Variants in GUCY1A1 observed in about 807,000 individuals in gnomAD.
The protein encoded by GUCY1A1 is guanylate cyclase 1 soluble subunit alpha 1, also known as guanylate cyclase soluble subunit alpha-1.
In GUCY1A1, 48 loss-of-function variants were observed where a neutral mutation model predicts 64.5. The ratio of observed to expected loss-of-function variants is 0.74; its 90% CI spans 0.59 to 0.95. The LOEUF (loss-of-function observed/expected upper bound fraction) is 0.95. Ranked by LOEUF, GUCY1A1 falls within the 40% of genes least tolerant of loss-of-function variation. The probability of loss-of-function intolerance (pLI) is 0.00; values close to 1 mark genes in which losing one functional copy is unlikely to be tolerated. For missense variants in GUCY1A1, 804 were observed against 825.3 expected (o/e 0.97, Z 0.32); for synonymous variants, 308 against 303.4 (o/e 1.02, Z -0.16).
intron 8 of GUCY1A1, among the ~76,000 whole-genome samples, chr4:155,719,206 A>T (rs771057756): frequency 1.3e-5 from 2 of 152,194 alleles, no homozygotes; most frequent in South Asian, 2.1e-4. Flanking sequence ...CTGGGTAATG[A>T]TAGATTAGTT....
intron 8 of GUCY1A1, among the ~76,000 whole-genome samples, chr4:155,721,245 C>A (rs962344824): frequency 2.0e-5 from 3 of 152,158 alleles, no homozygotes; most frequent in Non-Finnish European, 4.4e-5. Context: ...GCCTGAGTGA[C>A]AGAGCAAGAC....
At position 155,692,804 on chromosome 4, in the gene GUCY1A1, A is replaced by G. The variant is rs2126707995; in HGVS notation, c.-112-3952A>G. On this transcript the variant is annotated intron_variant, in intron 2 of 9. Transcript: ENST00000506455. ...ATGGGCATGGTGGCTCACGTCTGTA[A>G]TCCCAGTGCTTTGGGAGACTGAGGC... 2.0e-5 allele frequency among the ~76,000 whole-genome samples: 3 copies of G among 152,288 alleles called. 1 individual carries two copies. In the Middle Eastern group the frequency reaches 0.01, roughly 518 times the overall value.
At chr4:155,721,786 A>G in intron 8 of GUCY1A1, among the ~76,000 whole-genome samples, 1 of 152,262 alleles carries the variant, frequency 6.6e-6, no homozygotes, top group South Asian at 2.1e-4. Context: ...CAGATGTTGA[A>G]GACAGACACA....
chr4:155,698,004 A>G (rs146962485), intron 3 of GUCY1A1, among the ~76,000 whole-genome samples: 3 of 152,312 alleles, frequency 2.0e-5, no homozygotes, highest in Admixed American at 2.0e-4. Context: ...ATAATTTTTA[A>G]TTGACTCAAT....
At chr4:155,712,399 A>G (rs1732692976) in intron 6 of GUCY1A1, among the ~76,000 whole-genome samples, 1 of 152,090 alleles carries the variant, frequency 6.6e-6, no homozygotes, top group African/African-American at 2.4e-5. Context: ...CCTAAGCTCT[A>G]CTTTATTTAA....
chr4:155,667,839 G>A (rs1297599459), intron 2 of GUCY1A1: 2 of 152,264 alleles, frequency 1.3e-5, no homozygotes, highest in East Asian at 3.9e-4. Context: ...GCAAGCGAGC[G>A]GGCGCAGCTG....
chr4:155,683,019 G>A (rs1736025483), intron 2 of GUCY1A1, among the ~76,000 whole-genome samples: 1 of 152,000 alleles, frequency 6.6e-6, no homozygotes, highest in Admixed American at 6.6e-5. Context: ...GCCAAATGAT[G>A]GATGATTCTG....
At chr4:155,691,965 G>A (rs1045421026) in intron 2 of GUCY1A1, among the ~76,000 whole-genome samples, 7 of 151,814 alleles carry the variant, frequency 4.6e-5, no homozygotes, top group South Asian at 2.1e-4. Context: ...AGTCCAAAAG[G>A]CCCCAGTGAG....
At chr4:155,698,652 G>T (rs554786682) in intron 3 of GUCY1A1, among the ~76,000 whole-genome samples, 57 of 152,176 alleles carry the variant, frequency 3.7e-4, no homozygotes, top group Non-Finnish European at 6.9e-4. Flanking sequence ...CTCCAGCCTG[G>T]GCGACAGAGC....
intron 2 of GUCY1A1, among the ~76,000 whole-genome samples, chr4:155,680,019 T>C (rs1735511856): frequency 1.3e-5 from 2 of 152,220 alleles, no homozygotes; most frequent in Non-Finnish European, 2.9e-5. Context: ...TTTTCTTCTT[T>C]AATATTAATT....
chr4:155,706,655 G>T (rs1731811953), intron 4 of GUCY1A1, among the ~76,000 whole-genome samples: 2 of 147,192 alleles, frequency 1.4e-5, no homozygotes, highest in South Asian at 4.3e-4. Context: ...ACTCATGCTG[G>T]TGTGTGTGTG....
chr4:155,729,407 G>C (rs1735231801), intron 9 of GUCY1A1, among the ~76,000 whole-genome samples: 1 of 151,758 alleles, frequency 6.6e-6, no homozygotes, highest in African/African-American at 2.4e-5. Context: ...ATATAATGTG[G>C]TAAACAGATG....
intron 9 of GUCY1A1, among the ~76,000 whole-genome samples, chr4:155,724,838 A>G (rs1304308640): frequency 6.6e-6 from 1 of 151,984 alleles, no homozygotes; most frequent in Non-Finnish European, 1.5e-5. Flanking sequence ...CCATATTTCC[A>G]CTTGGATGAC....
Position 155,693,543 on chromosome 4 carries a change from G to A in GUCY1A1, c.-112-3213G>A, listed in dbSNP as rs533659875. On this transcript the variant is annotated intron_variant, in intron 2 of 9. Transcript: ENST00000506455. ...TATTCTGTATTCCTGGCAGGCAAAA[G>A]CAAGACAAACAGGTTTCCAAGGTAT... 4.0e-3 allele frequency among the ~76,000 whole-genome samples: 609 copies of A among 152,182 alleles called. 5 individuals are homozygous for A. Among genetic ancestry groups the A allele is most frequent in the Middle Eastern group, 0.017 (5 of 294 alleles).
At chr4:155,727,164 GA>G (rs1005545340) in intron 9 of GUCY1A1, among the ~76,000 whole-genome samples, 1 of 151,914 alleles carries the variant, frequency 6.6e-6, no homozygotes, top group African/African-American at 2.4e-5. Context: ...AAGGTGTAGA[GA>G]AAAATGTCCA....
intron 9 of GUCY1A1, among the ~76,000 whole-genome samples, chr4:155,724,758 C>G (rs893216690): frequency 2.0e-5 from 3 of 152,046 alleles, no homozygotes; most frequent in African/African-American, 7.2e-5. Flanking sequence ...ATGACTCTAA[C>G]TATTTTTTAA....
rs544427456 is a variant in GUCY1A1 at position 155,681,311 on chromosome 4, C to A, written c.-113+13892C>A. On this transcript the variant is annotated intron_variant, in intron 2 of 9. Coordinates refer to ENST00000506455, the MANE Select transcript of GUCY1A1 (RefSeq NM_001130682.3). The stretch of plus-strand genomic sequence containing the variant: ...TGTACTTTGAGCTAACTTTTGTGCT[C>A]TGTATAGTAAGTATTTCTATTTACA... Among the ~76,000 whole-genome samples, 396 of 152,194 alleles carry A rather than the reference C, an allele frequency of 2.6e-3. 1 individual carries two copies. Among genetic ancestry groups the A allele is most frequent in the South Asian group, 7.7e-3 (37 of 4,814 alleles).
rs770350025 is a variant in GUCY1A1, at chr4:155,711,029, C to T, written c.864C>T (p.Phe288=). 3 of 1,613,904 alleles carry T rather than the reference C, an allele frequency of 1.9e-6. No homozygotes were observed. The highest frequency in any genetic ancestry group is 2.5e-6 in the Non-Finnish European group (3 of 1,179,770). Residue 288 remains phenylalanine (F), a synonymous_variant, in exon 6 of 10, where the codon TTC becomes TTT. Coordinates refer to ENST00000506455, the MANE Select transcript of GUCY1A1 (RefSeq NM_001130682.3). ...PTSLFCKTFP[F]HFMFDKDMTI... ...CGCTATTCTGCAAGACATTTCCATTCCATTTCATGTTTGACAAAGATATGA... is the reference window on the plus strand; with the variant it reads ...CGCTATTCTGCAAGACATTTCCATTTCATTTCATGTTTGACAAAGATATGA...
Position 155,736,046 on chromosome 4 carries a change from A to T in GUCY1A1, c.*5815A>T, listed in dbSNP as rs952048840. On this transcript the variant is annotated 3_prime_UTR_variant, in exon 10 of 10. Coordinates refer to ENST00000506455, the MANE Select transcript of GUCY1A1 (RefSeq NM_001130682.3). ...TTCCTTCACCTCCTTGCACATGTAA[A>T]TTAAAGATGTTTTGGAAAATATGAG... The T allele has an allele frequency of 1.3e-5, 2 of 151,932 alleles. No individual in the cohort carries two copies. The highest frequency in any genetic ancestry group is 2.9e-5 in the Non-Finnish European group (2 of 67,936). The allele number at this position is 151,932 out of a possible 1,614,324, so 9.4% of individuals were successfully genotyped here.
Sources: gnomAD v4.1 joint callset for allele counts (sites outside exome capture counted in the v4.1 genomes callset) on GRCh38, gnomAD v4.1.1 for gene constraint, MANE v1.5 for transcripts, NCBI Gene and HGNC (gene_info 2026-07-23, HGNC 2026-07-21) for gene names.